Variants in SV2C observed in about 807,000 individuals in gnomAD.
SV2C encodes the protein solute carrier family 22 member B3.
Under a neutral mutation model 79.7 loss-of-function variants are expected in SV2C, and 49 were observed. The observed-to-expected ratio is 0.61, with a 90% CI of 0.49 to 0.78. The LOEUF is 0.78. SV2C is among the 30% of genes least tolerant of loss of function. SV2C has a pLI of 0.00. For missense variants in SV2C, 833 were observed against 912.9 expected (o/e 0.91, Z 1.13); for synonymous variants, 334 against 333.2 (o/e 1.00, Z -0.03).
At chr5:76,197,171 G>A (rs554193997) in intron 3 of SV2C, among the ~76,000 whole-genome samples, 3 of 152,338 alleles carry the variant, frequency 2.0e-5, no homozygotes, top group Non-Finnish European at 4.4e-5. Flanking sequence ...CTTGGAGTGT[G>A]AAGATCAAAT....
intron 1 of SV2C, among the ~76,000 whole-genome samples, chr5:76,114,473 C>T (rs1294560285): frequency 6.6e-6 from 1 of 152,174 alleles, no homozygotes; most frequent in African/African-American, 2.4e-5. Context: ...CTCTTGTTGA[C>T]ATCTATGAGA....
intron 2 of SV2C, among the ~76,000 whole-genome samples, chr5:76,153,853 T>C (rs1341988840): frequency 6.6e-6 from 1 of 152,210 alleles, no homozygotes; most frequent in Non-Finnish European, 1.5e-5. Flanking sequence ...ATCTGTCAGT[T>C]AGGAATTTAC....
the SV2C span, among the ~76,000 whole-genome samples, chr5:75,916,807 C>T: frequency 1.3e-5 from 2 of 152,126 alleles, no homozygotes; most frequent in African/African-American, 4.8e-5. Context: ...GCACTTACAC[C>T]TTTCTGGAGA....
At chr5:75,963,844 C>T in the SV2C span, among the ~76,000 whole-genome samples, 29 of 152,046 alleles carry the variant, frequency 1.9e-4, no homozygotes, top group Admixed American at 1.8e-3. Context: ...TAGTGTTTCT[C>T]TCATATTTTT....
the SV2C span, among the ~76,000 whole-genome samples, chr5:75,872,174 A>C: frequency 6.6e-6 from 1 of 150,406 alleles, no homozygotes; most frequent in Admixed American, 6.6e-5. Context: ...CAAAAACACC[A>C]CATAACTTGG....
chr5:75,991,216 C>G, the SV2C span, among the ~76,000 whole-genome samples: 1,300 of 151,870 alleles, frequency 8.6e-3, 18 homozygotes, highest in African/African-American at 0.03. Context: ...AAATATAACA[C>G]CTTTCTGTAT....
the SV2C span, among the ~76,000 whole-genome samples, chr5:76,009,491 C>A: frequency 6.6e-6 from 1 of 152,158 alleles, no homozygotes; most frequent in Non-Finnish European, 1.5e-5. Flanking sequence ...TTTGCAATAG[C>A]AAAGACATGG....
At chr5:76,000,863 G>A in the SV2C span, among the ~76,000 whole-genome samples, 1 of 152,074 alleles carries the variant, frequency 6.6e-6, no homozygotes, top group Non-Finnish European at 1.5e-5. Context: ...TCTACCCACT[G>A]TTGTTCCTCC....
intron 2 of SV2C, chr5:76,173,889 G>C (rs2112282785): frequency 6.3e-7 from 1 of 1,594,510 alleles, no homozygotes; most frequent in African/African-American, 1.3e-5. Flanking sequence ...CGAAGAATCT[G>C]TTCTCTCAGG....
At chr5:75,899,766 T>A in the SV2C span, among the ~76,000 whole-genome samples, 2 of 152,152 alleles carry the variant, frequency 1.3e-5, no homozygotes, top group African/African-American at 4.8e-5. Context: ...TGGGTGCATA[T>A]ATATTTAGGA....
At chr5:75,862,708 C>T in the SV2C span, among the ~76,000 whole-genome samples, 3 of 152,166 alleles carry the variant, frequency 2.0e-5, no homozygotes, top group African/African-American at 7.2e-5. Flanking sequence ...ATCCTGTACT[C>T]ATCCTTTCTC....
intron 1 of SV2C, among the ~76,000 whole-genome samples, chr5:76,096,879 T>C (rs1253017145): frequency 6.6e-6 from 1 of 152,204 alleles, no homozygotes; most frequent in African/African-American, 2.4e-5. Flanking sequence ...CTTCTACCTT[T>C]GGATTCAGGC....
the SV2C span, among the ~76,000 whole-genome samples, chr5:76,012,697 T>C: frequency 6.6e-6 from 1 of 152,220 alleles, no homozygotes; most frequent in Non-Finnish European, 1.5e-5. Flanking sequence ...ATGTCCTGAA[T>C]GGTATTGCCT....
intron 12 of SV2C, among the ~76,000 whole-genome samples, chr5:76,316,484 C>A (rs1748623212): frequency 6.6e-6 from 1 of 152,192 alleles, no homozygotes; most frequent in African/African-American, 2.4e-5. Flanking sequence ...GATTCTGATG[C>A]ACCCAAGCTT....
At chr5:75,972,630 C>G in the SV2C span, among the ~76,000 whole-genome samples, 41 of 152,192 alleles carry the variant, frequency 2.7e-4, 1 homozygote, top group African/African-American at 9.2e-4. Flanking sequence ...CAATGAGATA[C>G]CATCTCACAC....
chr5:76,112,693 TG>T, intron 1 of SV2C, among the ~76,000 whole-genome samples: 1 of 152,296 alleles, frequency 6.6e-6, no homozygotes, highest in Admixed American at 6.5e-5. Context: ...GTAGTGGAAG[TG>T]GTGAGAAAGT....
the SV2C span, among the ~76,000 whole-genome samples, chr5:75,937,297 T>C: frequency 6.6e-6 from 1 of 152,238 alleles, no homozygotes; most frequent in Non-Finnish European, 1.5e-5. Context: ...CATTTTGCTT[T>C]CAATCTTGTG....
At chr5:75,995,293 C>A in the SV2C span, among the ~76,000 whole-genome samples, 2 of 152,118 alleles carry the variant, frequency 1.3e-5, no homozygotes, top group Non-Finnish European at 2.9e-5. Context: ...CAGGTGACTT[C>A]TCATTACATT....
At chr5:75,919,392 G>A in the SV2C span, among the ~76,000 whole-genome samples, 1 of 152,112 alleles carries the variant, frequency 6.6e-6, no homozygotes, top group African/African-American at 2.4e-5. Flanking sequence ...TTTGTGATGA[G>A]AATCAAAATT....
Sources: gnomAD v4.1 joint callset for allele counts (sites outside exome capture counted in the v4.1 genomes callset) on GRCh38, gnomAD v4.1.1 for gene constraint, MANE v1.5 for transcripts, NCBI Gene and HGNC (gene_info 2026-07-23, HGNC 2026-07-21) for gene names.